RND3: variants seen among roughly 807,000 people sequenced by gnomAD.
The protein encoded by RND3 is rho-related GTP-binding protein RhoE.
A neutral mutation model predicts 26.5 loss-of-function variants in RND3; 8 were observed. The ratio of observed to expected loss-of-function variants is 0.30; its 90% CI spans 0.18 to 0.54. RND3 has a LOEUF of 0.54. RND3 is among the 20% of genes least tolerant of loss of function. The probability of loss-of-function intolerance (pLI) is 0.94; values close to 1 mark genes in which losing one functional copy is unlikely to be tolerated. For missense variants in RND3, 207 were observed against 302.8 expected (o/e 0.68, Z 2.35); for synonymous variants, 113 against 113.0 (o/e 1.00, Z 0.00).
chr2:150,478,593 A>AAAAAAAAAAT (rs1686214250), intron 3 of RND3, among the ~76,000 whole-genome samples: 1 of 151,850 alleles, frequency 6.6e-6, no homozygotes, highest in East Asian at 1.9e-4. Context: ...AAAAAAAAAA[A>AAAAAAAAAAT]AAAATTAACT....
chr2:150,486,691 T>C lies in RND3; in HGVS notation c.238+3A>G. 1.9e-6 allele frequency: 3 copies of C among 1,608,410 alleles called. No individual in the cohort carries two copies. The highest frequency in any genetic ancestry group is 2.6e-6 in the Non-Finnish European group (3 of 1,174,786). ...AAGCGCCACGCGGTCCTCCCACTCT[T>C]ACCCGAAGTGTCCCACAGGCTCAAC... On this transcript the variant is annotated splice_donor_region_variant and intron_variant, in intron 3 of 5. Coordinates refer to ENST00000263895, the MANE Select transcript of RND3 (RefSeq NM_005168.5). The surrounding 1 kb of genome is among the most constrained non-coding windows in gnomAD (Gnocchi z 4.5).
At chr2:150,477,020 T>C (rs539902228) in intron 3 of RND3, among the ~76,000 whole-genome samples, 3 of 152,124 alleles carry the variant, frequency 2.0e-5, no homozygotes, top group Non-Finnish European at 4.4e-5. Flanking sequence ...TTCTAGATCA[T>C]AGAGTGGAGC....
At chr2:150,484,482 T>C (rs886747666) in intron 3 of RND3, among the ~76,000 whole-genome samples, 1 of 152,156 alleles carries the variant, frequency 6.6e-6, no homozygotes, top group African/African-American at 2.4e-5. Context: ...AGCATTCCTA[T>C]AAGCCCACCC....
In RND3 at chr2:150,470,094, A is replaced by G. The variant is rs778598169; in HGVS notation, c.628T>C (p.Ser210Pro). ...GAAATCCGCTTTGTGGCTCTCTGTG[A>G]TTTGTTCCGCTTAACGTTTTTATTT... is the stretch of plus-strand genomic sequence containing the variant. ...KTNKNVKRNK[S>P]QRATKRISHM... Residue 210 changes from serine to proline, a missense_variant, in exon 6 of 6, where the codon TCA (serine) becomes CCA (proline). By Grantham distance (74) the Ser-to-Pro change is moderately conservative. Coordinates refer to ENST00000263895, the MANE Select transcript of RND3 (RefSeq NM_005168.5). 6.8e-6 allele frequency: 11 copies of G among 1,613,906 alleles called. No homozygotes were observed. In the East Asian group the frequency reaches 2.0e-4, roughly 29 times the overall value.
chr2:150,482,799 T>A (rs1686298128), intron 3 of RND3, among the ~76,000 whole-genome samples: 1 of 152,084 alleles, frequency 6.6e-6, no homozygotes, highest in South Asian at 2.1e-4. Context: ...CCCTAGGATG[T>A]CTGACAAAGG....
intron 3 of RND3, among the ~76,000 whole-genome samples, chr2:150,482,379 A>G (rs777239844): frequency 1.3e-5 from 2 of 152,150 alleles, no homozygotes; most frequent in Non-Finnish European, 2.9e-5. Flanking sequence ...TGCTTGGCAA[A>G]TGTGGCCAAT....
chr2:150,472,039 T>A, intron 4 of RND3: 1 of 348,136 alleles, frequency 2.9e-6, no homozygotes, highest in Non-Finnish European at 5.3e-6. Context: ...GTAGATGTTG[T>A]CCAAAGGTAG....
intron 3 of RND3, among the ~76,000 whole-genome samples, chr2:150,480,587 T>G (rs892768807): frequency 4.6e-5 from 7 of 152,236 alleles, no homozygotes; most frequent in African/African-American, 1.7e-4. Flanking sequence ...ATGACCAATT[T>G]GGATGCTTCA....
In RND3 at chr2:150,469,406, A is replaced by G. The variant is rs765887184; in HGVS notation, c.*581T>C. ...CCATCCTACTCAGCTATCTTCAGGA[A>G]GGCAAGATTTCAAAGCCTCATAAAG... is the stretch of plus-strand genomic sequence containing the variant. On this transcript the variant is annotated 3_prime_UTR_variant, in exon 6 of 6. Transcript: ENST00000263895. 81 of 153,108 alleles carry G rather than the reference A, an allele frequency of 5.3e-4. 1 individual carries two copies. Among genetic ancestry groups the G allele is most frequent in the Middle Eastern group, 3.4e-3 (1 of 294 alleles). The allele number at this position is 153,108 out of a possible 1,614,324, so 9.5% of individuals were successfully genotyped here. A position where few individuals can be genotyped will look rare whatever the true frequency, so the allele number is the denominator to read the frequency against.
At chr2:150,483,866 T>A (rs1686316573) in intron 3 of RND3, among the ~76,000 whole-genome samples, 1 of 152,222 alleles carries the variant, frequency 6.6e-6, no homozygotes, top group African/African-American at 2.4e-5. Flanking sequence ...CTTATGCCTC[T>A]TTTTTCCATT....
intron 3 of RND3, among the ~76,000 whole-genome samples, chr2:150,479,142 C>T (rs574392644): frequency 7.3e-4 from 111 of 151,612 alleles, no homozygotes; most frequent in African/African-American, 2.4e-3. Flanking sequence ...CAGCAAAGTT[C>T]TAGAGAGCTT....
rs1182539573 is a variant in RND3 at position 150,487,404 on chromosome 2, C to T, written c.14G>A (p.Arg5Lys). 1.3e-5 allele frequency: 19 copies of T among 1,516,570 alleles called. No homozygotes were observed. The highest frequency in any genetic ancestry group is 1.7e-5 in the Non-Finnish European group (19 of 1,128,782). 93.9% of individuals were successfully genotyped at this position (1,516,570 alleles called of 1,614,324 possible). Residue 5 changes from arginine to lysine, a missense_variant, in exon 2 of 6, where the codon AGA becomes AAA. Transcript: ENST00000263895. MKER[R>K]ASQKLSSKSI... ...TTTGCTGGATAATTTCTGGCTGGCT[C>T]TTCTCTCCTTCATTGATGTTGCCTT...
At chr2:150,483,862 C>G (rs1259433827) in intron 3 of RND3, among the ~76,000 whole-genome samples, 1 of 152,166 alleles carries the variant, frequency 6.6e-6, no homozygotes, top group Admixed American at 6.5e-5. Flanking sequence ...TTCCCTTATG[C>G]CTCTTTTTTC....
chr2:150,475,457 C>G (rs1472737019), intron 3 of RND3, among the ~76,000 whole-genome samples: 1 of 152,156 alleles, frequency 6.6e-6, no homozygotes, highest in African/African-American at 2.4e-5. Context: ...GGGATCAATA[C>G]GTATTAACTA....
intron 3 of RND3, among the ~76,000 whole-genome samples, chr2:150,480,011 T>C (rs1192072172): frequency 3.3e-5 from 5 of 152,210 alleles, no homozygotes; most frequent in Non-Finnish European, 5.9e-5. Context: ...GTCAGACAGG[T>C]AGATATGTTT....
In RND3 at chr2:150,486,962, T is replaced by A; in HGVS notation, c.151-181A>T. 1 of 631,958 alleles carries A rather than the reference T, an allele frequency of 1.6e-6. No individual in the cohort carries two copies. The allele number at this position is 631,958 out of a possible 1,614,324, so 39.1% of individuals were successfully genotyped here. A position where few individuals can be genotyped will look rare whatever the true frequency, so the allele number is the denominator to read the frequency against. On this transcript the variant is annotated intron_variant, in intron 2 of 5. Transcript: ENST00000263895. The surrounding 1 kb of genome is among the most constrained non-coding windows in gnomAD (Gnocchi z 4.5). ...CCGAAACCCCTGTCCTACTCCCCAC[T>A]CACCCCACCCGGCTCTCACAGATCT...
Position 150,486,819 on chromosome 2 carries a change from G to C in RND3, c.151-38C>G. On this transcript the variant is annotated intron_variant, in intron 2 of 5. Transcript: ENST00000263895. This position sits in a 1 kb window ranked among gnomAD's most constrained non-coding sequence, Gnocchi z 4.5. ...AATGGGCAAAAGAGGAAGGAAAGAG[G>C]GCAAAGAGGTTACGTTTAAACGCAC... 7.0e-7 allele frequency: 1 copy of C among 1,421,722 alleles called. No individual in the cohort carries two copies. Among genetic ancestry groups the C allele is most frequent in the Non-Finnish European group, 1.0e-6 (1 of 1,004,724 alleles). 88.1% of individuals were successfully genotyped at this position (1,421,722 alleles called of 1,614,324 possible).
chr2:150,484,359 C>T (rs1054514176), intron 3 of RND3, among the ~76,000 whole-genome samples: 7 of 152,214 alleles, frequency 4.6e-5, no homozygotes, highest in African/African-American at 7.2e-5. Context: ...CTTTATCAAA[C>T]AATGTGCCTT....
At chr2:150,483,906 C>A (rs1228024611) in intron 3 of RND3, among the ~76,000 whole-genome samples, 1 of 152,182 alleles carries the variant, frequency 6.6e-6, no homozygotes, top group Non-Finnish European at 1.5e-5. Context: ...ACTAAGATTT[C>A]ATTACCGGAT....
Sources: allele counts gnomAD v4.1 joint callset (sites outside exome capture counted in the v4.1 genomes callset), GRCh38; gene constraint gnomAD v4.1.1; non-coding constraint Gnocchi (gnomAD v3.1); transcripts MANE v1.5; gene names NCBI Gene and HGNC (gene_info 2026-07-23, HGNC 2026-07-21).